TMEM135: variants seen among roughly 807,000 people sequenced by gnomAD.
The protein encoded by TMEM135 is transmembrane protein 135.
In TMEM135, 30 loss-of-function variants were observed where a neutral mutation model predicts 60.3. The observed-to-expected ratio is 0.50, with a 90% confidence interval of 0.37 to 0.68. The LOEUF (loss-of-function observed/expected upper bound fraction) is 0.68. Among genes scored for constraint, TMEM135 ranks in the 30% least tolerant of loss-of-function variants. The pLI, the probability that TMEM135 is intolerant of heterozygous loss-of-function variation, is 0.00. For synonymous variants in TMEM135, 190 were observed against 186.7 expected, an observed-to-expected ratio of 1.02 and a Z score of -0.14; for missense variants, 468 against 548.8, an observed-to-expected ratio of 0.85 and a Z score of 1.47.
chr11:87,148,639 C>A (rs1362358912), intron 4 of TMEM135, among the ~76,000 whole-genome samples: 1 of 151,838 alleles, frequency 6.6e-6, no homozygotes, highest in Non-Finnish European at 1.5e-5. Context: ...AGTAGCCTGA[C>A]CTACAGGAGG....
intron 5 of TMEM135, among the ~76,000 whole-genome samples, chr11:87,188,734 C>T (rs1191944783): frequency 6.6e-6 from 1 of 151,192 alleles, no homozygotes; most frequent in Non-Finnish European, 1.5e-5. Context: ...AAGCAATATA[C>T]ACTATTAATA....
intron 5 of TMEM135, among the ~76,000 whole-genome samples, chr11:87,205,895 C>T (rs2135336904): frequency 6.6e-6 from 1 of 152,210 alleles, no homozygotes; most frequent in South Asian, 2.1e-4. Context: ...ATAGTGAGTA[C>T]CTGAGTGTCT....
chr11:87,308,424 T>C (rs545905791), intron 9 of TMEM135, among the ~76,000 whole-genome samples: 38 of 152,294 alleles, frequency 2.5e-4, no homozygotes, highest in African/African-American at 8.7e-4. Context: ...CAGTAATTGA[T>C]TGGACAATTT....
chr11:87,324,184 T>C lies in TMEM135; in HGVS notation c.*2851T>C, dbSNP rs1416880217. On this transcript the variant is annotated 3_prime_UTR_variant, in exon 15 of 15. Transcript: ENST00000305494. The stretch of plus-strand genomic sequence containing the variant: ...TAATGCTGACGTAATTGTTTCCTGC[T>C]TATATTTTATCATATCCCTGAGCTT... 1 of 454,094 alleles carries C rather than the reference T, an allele frequency of 2.2e-6. No homozygotes were observed. Among genetic ancestry groups the C allele is most frequent in the Non-Finnish European group, 4.4e-6 (1 of 226,772 alleles). 28.1% of individuals were successfully genotyped at this position (454,094 alleles called of 1,614,324 possible). A position where few individuals can be genotyped will look rare whatever the true frequency, so the allele number is the denominator to read the frequency against.
intron 1 of TMEM135, among the ~76,000 whole-genome samples, chr11:87,053,658 A>G (rs1054415231): frequency 9.2e-5 from 14 of 152,226 alleles, no homozygotes; most frequent in African/African-American, 2.7e-4. Flanking sequence ...TTCATCCCCA[A>G]GGACTTAAAC....
intron 4 of TMEM135, among the ~76,000 whole-genome samples, chr11:87,131,950 A>G (rs500312): frequency 0.48 from 72,312 of 151,696 alleles, 17,526 homozygotes; most frequent in East Asian, 0.67. Flanking sequence ...TATGAATTGC[A>G]CATGTGAAGG....
At chr11:87,071,972 A>G (rs1488961415) in intron 3 of TMEM135, among the ~76,000 whole-genome samples, 2 of 152,026 alleles carry the variant, frequency 1.3e-5, no homozygotes, top group Non-Finnish European at 2.9e-5. Flanking sequence ...GGCTCACTTG[A>G]GCCTTGGAAT....
At chr11:87,083,990 A>G (rs1262754050) in intron 3 of TMEM135, among the ~76,000 whole-genome samples, 1 of 152,068 alleles carries the variant, frequency 6.6e-6, no homozygotes, top group Non-Finnish European at 1.5e-5. Flanking sequence ...TATATAGGAT[A>G]TATACATATT....
intron 4 of TMEM135, among the ~76,000 whole-genome samples, chr11:87,152,258 T>C (rs1212430872): frequency 6.6e-6 from 1 of 152,234 alleles, no homozygotes; most frequent in African/African-American, 2.4e-5. Flanking sequence ...TGTTCTTTTT[T>C]TCTTTGTGGT....
intron 6 of TMEM135, among the ~76,000 whole-genome samples, chr11:87,248,514 G>A (rs79771817): frequency 0.013 from 1,979 of 152,228 alleles, 35 homozygotes; most frequent in African/African-American, 0.046. Context: ...TGAAGAAGTA[G>A]TGTAATTGTA....
At chr11:87,245,687 T>C (rs1941252735) in intron 6 of TMEM135, among the ~76,000 whole-genome samples, 1 of 131,680 alleles carries the variant, frequency 7.6e-6, no homozygotes, top group Admixed American at 7.4e-5. Flanking sequence ...TGCCTTTTTT[T>C]GTTTTCCATT....
At chr11:87,321,142 G>A in intron 14 of TMEM135, 59 bp from the exon 15 acceptor site, 37 of 1,450,434 alleles carry the variant, frequency 2.6e-5, no homozygotes, top group Non-Finnish European at 3.4e-5. Flanking sequence ...CAACTAAAAT[G>A]AATTATTTTA....
chr11:87,071,971 G>A (rs1236171232), intron 3 of TMEM135, among the ~76,000 whole-genome samples: 2 of 152,012 alleles, frequency 1.3e-5, no homozygotes, highest in African/African-American at 2.4e-5. Context: ...TGGCTCACTT[G>A]AGCCTTGGAA....
intron 4 of TMEM135, among the ~76,000 whole-genome samples, chr11:87,130,640 A>C (rs1406664766): frequency 6.6e-6 from 1 of 152,010 alleles, no homozygotes; most frequent in South Asian, 2.1e-4. Flanking sequence ...AGTAGCTGTT[A>C]AACCTTTTGT....
At chr11:87,145,339 C>G (rs759885589) in intron 4 of TMEM135, among the ~76,000 whole-genome samples, 1 of 152,102 alleles carries the variant, frequency 6.6e-6, no homozygotes, top group Non-Finnish European at 1.5e-5. Flanking sequence ...TTGATGGACA[C>G]TTAGGTTGAT....
At chr11:87,129,213 ATTTTTTTTTTTTTT>A (rs71040295) in intron 4 of TMEM135, among the ~76,000 whole-genome samples, 88 of 116,070 alleles carry the variant, frequency 7.6e-4, no homozygotes, top group African/African-American at 1.3e-3. Context: ...TTATTCCTTA[ATTTTTTTTTTTTTT>A]TTTTTTTTTT....
chr11:87,121,025 A>G (rs1252938633), intron 4 of TMEM135: 1 of 152,218 alleles, frequency 6.6e-6, no homozygotes, highest in Non-Finnish European at 1.5e-5. Context: ...TATGTACATT[A>G]CTGTATGATA....
rs1392391664 is a variant in TMEM135 at position 87,127,403 on chromosome 11, GT to G, written c.397-29934del. 5.3e-5 allele frequency among the ~76,000 whole-genome samples: 8 copies of G among 152,136 alleles called. No homozygotes were observed. The East Asian group carries it at 1.3e-3, about 26-fold the overall frequency. ...GCTAATCAAGATTCATGGCCTCCAG[GT>G]TTTGTGGCACTGGCGTTTTAGTATC... On this transcript the variant is annotated intron_variant, in intron 4 of 14. Transcript: ENST00000305494.
At position 87,325,503 on chromosome 11, in the gene TMEM135, CCT is replaced by C. The variant is rs142700961; in HGVS notation, c.*4185_*4186del. The C allele has an allele frequency of 0.093, 22,048 of 236,760 alleles. 196 individuals carry two copies. The highest frequency in any genetic ancestry group is 0.17 in the South Asian group (3,619 of 20,934). 14.7% of individuals were successfully genotyped at this position (236,760 alleles called of 1,614,324 possible). On this transcript the variant is annotated 3_prime_UTR_variant, in exon 15 of 15. Coordinates refer to ENST00000305494, the MANE Select transcript of TMEM135 (RefSeq NM_022918.4). ...GTTTTATGTGGGCTCTCTCTCTCTC[CCT>C]CTCTCTCTCTCTCTGTCTGTCTCTC...
Sources: allele counts gnomAD v4.1 joint callset (sites outside exome capture counted in the v4.1 genomes callset), GRCh38; gene constraint gnomAD v4.1.1; transcripts MANE v1.5; gene names NCBI Gene and HGNC (gene_info 2026-07-23, HGNC 2026-07-21).